Variants in COG5 observed in about 807,000 individuals in gnomAD.
The protein encoded by COG5 is component of oligomeric golgi complex 5.
A neutral mutation model predicts 110.4 loss-of-function variants in COG5; 86 were observed. The observed-to-expected ratio is 0.78, with a 90% confidence interval of 0.65 to 0.93. COG5 has a LOEUF of 0.93. Ranked by LOEUF, COG5 falls within the 40% of genes least tolerant of loss-of-function variation. COG5 has a pLI of 0.00. For synonymous variants in COG5, 360 were observed against 334.6 expected (o/e 1.08, Z -0.83); for missense variants, 1,077 against 987.0 (o/e 1.09, Z -1.22).
At chr7:107,308,657 A>G (rs1166437256) in intron 11 of COG5, among the ~76,000 whole-genome samples, 1 of 151,864 alleles carries the variant, frequency 6.6e-6, no homozygotes, top group Non-Finnish European at 1.5e-5. Flanking sequence ...TTGTTTAGGA[A>G]AGGCAGAAAA....
At chr7:107,556,770 T>C (rs1040539038) in intron 2 of COG5, among the ~76,000 whole-genome samples, 13 of 151,684 alleles carry the variant, frequency 8.6e-5, no homozygotes, top group Non-Finnish European at 1.3e-4. Flanking sequence ...GCGTGTTTTC[T>C]TTCTTTTTTT....
At chr7:107,556,915 C>T (rs1323580137) in intron 2 of COG5, among the ~76,000 whole-genome samples, 2 of 151,888 alleles carry the variant, frequency 1.3e-5, no homozygotes, top group Non-Finnish European at 2.9e-5. Context: ...GGATTACAGG[C>T]GCCCACCACC....
intron 21 of COG5, among the ~76,000 whole-genome samples, chr7:107,206,307 C>T (rs1798782884): frequency 6.6e-6 from 1 of 152,120 alleles, no homozygotes. Context: ...AGCTCACATA[C>T]CCAGTTTCAA....
chr7:107,364,388 T>C (rs1813414018), intron 8 of COG5, among the ~76,000 whole-genome samples: 1 of 152,110 alleles, frequency 6.6e-6, no homozygotes. Flanking sequence ...TCAGGGGAAA[T>C]CAACTTACAT....
chr7:107,379,606 A>AG (rs1467550689), intron 7 of COG5, among the ~76,000 whole-genome samples: 1 of 151,738 alleles, frequency 6.6e-6, no homozygotes, highest in Non-Finnish European at 1.5e-5. Flanking sequence ...AGCAAAAAAA[A>AG]AAAAAAAAAG....
chr7:107,289,485 T>C (rs1015864258), intron 12 of COG5, among the ~76,000 whole-genome samples: 2 of 152,120 alleles, frequency 1.3e-5, no homozygotes, highest in African/African-American at 4.8e-5. Context: ...TCTGGGTCCC[T>C]TGAAATTCCT....
In COG5 at chr7:107,474,268, T is replaced by C. The variant is rs1245416737; in HGVS notation, c.538+52969A>G. On this transcript the variant is annotated intron_variant, in intron 6 of 21. Coordinates refer to ENST00000297135, the MANE Select transcript of COG5 (RefSeq NM_006348.5). The surrounding 1 kb of genome is among the most constrained non-coding windows in gnomAD (Gnocchi z 5.7). ...TGTATTGGTACTTTACTGCATGAAA[T>C]CCAACTTAATCAACTCTGTCAGTAA... 1 of 1,612,510 alleles carries C rather than the reference T, an allele frequency of 6.2e-7. No individual in the cohort carries two copies. Among genetic ancestry groups the C allele is most frequent in the Non-Finnish European group, 8.5e-7 (1 of 1,178,780 alleles).
intron 14 of COG5, among the ~76,000 whole-genome samples, chr7:107,272,443 G>C (rs936852411): frequency 6.6e-6 from 1 of 152,070 alleles, no homozygotes; most frequent in Non-Finnish European, 1.5e-5. Context: ...ACTGTGCTCT[G>C]ACCACCTTGG....
At chr7:107,298,627 A>T (rs1806972486) in intron 11 of COG5, among the ~76,000 whole-genome samples, 1 of 152,206 alleles carries the variant, frequency 6.6e-6, no homozygotes, top group South Asian at 2.1e-4. Flanking sequence ...TCAAGAATCA[A>T]GAAAATAAGT....
chr7:107,440,434 A>G (rs1794638877), intron 6 of COG5, among the ~76,000 whole-genome samples: 1 of 152,148 alleles, frequency 6.6e-6, no homozygotes, highest in Non-Finnish European at 1.5e-5. Flanking sequence ...TGAAAAATAA[A>G]TATTTCATCT....
intron 6 of COG5, among the ~76,000 whole-genome samples, chr7:107,468,927 A>G (rs1796463622): frequency 6.6e-6 from 1 of 151,792 alleles, no homozygotes; most frequent in African/African-American, 2.4e-5. Context: ...TATCCTCATC[A>G]TTAAAAACAG....
chr7:107,514,934 T>G (rs757382510), intron 6 of COG5, among the ~76,000 whole-genome samples: 5 of 152,156 alleles, frequency 3.3e-5, no homozygotes, highest in Non-Finnish European at 5.9e-5. Flanking sequence ...ATCATCAATA[T>G]ATTGTTGTTG....
chr7:107,420,813 T>C (rs1046331710), intron 6 of COG5, among the ~76,000 whole-genome samples: 1 of 152,204 alleles, frequency 6.6e-6, no homozygotes. Flanking sequence ...ACATAAACTA[T>C]GCATAGAATA....
chr7:107,214,681 A>C (rs12333638), intron 19 of COG5, among the ~76,000 whole-genome samples: 2 of 151,962 alleles, frequency 1.3e-5, no homozygotes, highest in African/African-American at 4.8e-5. Context: ...CAGTACTTTC[A>C]AAGGCTGAGG....
At chr7:107,503,588 G>A (rs1798774613) in intron 6 of COG5, among the ~76,000 whole-genome samples, 1 of 152,108 alleles carries the variant, frequency 6.6e-6, no homozygotes, top group African/African-American at 2.4e-5. Context: ...AGACTGCTTT[G>A]GGCAGTATGG....
chr7:107,507,926 T>C lies in COG5; in HGVS notation c.538+19311A>G, dbSNP rs1260864751. ...ATGGGGTGGGTGGAGCTAAGATGGC[T>C]GAACAGGAACAGCTCCCAGCGTGAG... On this transcript the variant is annotated intron_variant, in intron 6 of 21. Transcript: ENST00000297135. 2.0e-5 allele frequency among the ~76,000 whole-genome samples: 3 copies of C among 152,182 alleles called. No homozygotes were observed. In the East Asian group the frequency reaches 5.8e-4, roughly 29 times the overall value.
intron 14 of COG5, among the ~76,000 whole-genome samples, chr7:107,279,825 C>T (rs554471588): frequency 6.6e-6 from 1 of 152,162 alleles, no homozygotes; most frequent in South Asian, 2.1e-4. Flanking sequence ...ACTGCAGGTA[C>T]ATTAGATAGG....
At chr7:107,311,426 G>A (rs965333809) in intron 11 of COG5, among the ~76,000 whole-genome samples, 3 of 109,800 alleles carry the variant, frequency 2.7e-5, no homozygotes, top group Non-Finnish European at 5.1e-5. Context: ...TCGCTCTGTC[G>A]CCCAGGCCAG....
rs143150712 is a variant in COG5, at chr7:107,235,113, C to G, written c.2091+1337G>C. On this transcript the variant is annotated intron_variant, in intron 18 of 21. Coordinates refer to ENST00000297135, the MANE Select transcript of COG5 (RefSeq NM_006348.5). ...GAAAATGACTAACTGCTGCATCAGT[C>G]AATTTGCAATGAAACAGGCTCTTGA... is the stretch of plus-strand genomic sequence containing the variant. Among the ~76,000 whole-genome samples, 240 of 152,276 alleles carry G rather than the reference C, an allele frequency of 1.6e-3. 1 individual carries two copies. The highest frequency in any genetic ancestry group is 5.4e-3 in the African/African-American group (226 of 41,564).
Sources: gnomAD v4.1 joint callset for allele counts (sites outside exome capture counted in the v4.1 genomes callset) on GRCh38, gnomAD v4.1.1 for gene constraint, Gnocchi (gnomAD v3.1) non-coding constraint, MANE v1.5 for transcripts, NCBI Gene and HGNC (gene_info 2026-07-23, HGNC 2026-07-21) for gene names.